EIF4G3: variants seen among roughly 807,000 people sequenced by gnomAD.
EIF4G3 encodes eIF-4-gamma 3.
EIF4G3 carries 34 observed loss-of-function variants against 186.4 expected under a neutral mutation model. That is an observed-to-expected ratio of 0.18 (90% CI 0.14 to 0.24). The LOEUF (loss-of-function observed/expected upper bound fraction) is 0.24. Ranked by LOEUF, EIF4G3 falls within the 10% of genes least tolerant of loss-of-function variation. EIF4G3 has a pLI of 1.00. For synonymous variants in EIF4G3, 673 were observed against 679.5 expected (o/e 0.99, Z 0.15); for missense variants, 1,536 against 1,948.5 (o/e 0.79, Z 3.99).
At chr1:21,115,914 G>T (rs2096812285) in intron 2 of EIF4G3, among the ~76,000 whole-genome samples, 1 of 151,930 alleles carries the variant, frequency 6.6e-6, no homozygotes. Flanking sequence ...GTAGAGACAG[G>T]AGTCTCATCT....
intron 10 of EIF4G3, among the ~76,000 whole-genome samples, chr1:20,976,239 A>G (rs898729544): frequency 1.3e-5 from 2 of 151,948 alleles, no homozygotes; most frequent in African/African-American, 2.4e-5. Flanking sequence ...GGTTAGTTAC[A>G]TATGTATACA....
chr1:20,993,140 A>G, intron 7 of EIF4G3, among the ~76,000 whole-genome samples: 1 of 152,202 alleles, frequency 6.6e-6, no homozygotes, highest in East Asian at 1.9e-4. Flanking sequence ...GAATCTCCAC[A>G]AAAGACAAAA....
At chr1:21,107,178 T>A (rs980695165) in intron 2 of EIF4G3, among the ~76,000 whole-genome samples, 2 of 152,066 alleles carry the variant, frequency 1.3e-5, no homozygotes, top group African/African-American at 4.8e-5. Flanking sequence ...AATTTTTGAT[T>A]TTATTATTTA....
intron 7 of EIF4G3, among the ~76,000 whole-genome samples, chr1:20,985,374 T>G (rs978775049): frequency 1.3e-5 from 2 of 152,198 alleles, no homozygotes; most frequent in Admixed American, 1.3e-4. Context: ...AGACTTACTT[T>G]TGCTCAACTT....
chr1:21,111,115 T>A (rs965819804), intron 2 of EIF4G3, among the ~76,000 whole-genome samples: 1 of 152,156 alleles, frequency 6.6e-6, no homozygotes, highest in South Asian at 2.1e-4. Flanking sequence ...AATGAGACAA[T>A]GAAAATTTAA....
At position 20,931,350 on chromosome 1, in the gene EIF4G3, G is replaced by C. The variant is rs746123355; in HGVS notation, c.1663+10141C>G. Among the ~76,000 whole-genome samples, 4 of 152,278 alleles carry C rather than the reference G, an allele frequency of 2.6e-5. No homozygotes were observed. The South Asian group carries it at 6.2e-4, about 24-fold the overall frequency. On this transcript the variant is annotated intron_variant, in intron 14 of 36. Transcript: ENST00000602326. ...CCAATGTGCAGTAGTATTTTGAAAG[G>C]AATCTTGCTATCTGGGCAGTAGGTC...
At chr1:20,938,557 G>T (rs1462506331) in intron 14 of EIF4G3, among the ~76,000 whole-genome samples, 4 of 152,122 alleles carry the variant, frequency 2.6e-5, no homozygotes, top group African/African-American at 9.7e-5. Context: ...GACTGTTTTG[G>T]TGTTACAATT....
intron 29 of EIF4G3, among the ~76,000 whole-genome samples, chr1:20,845,611 G>A (rs553979612): frequency 5.3e-5 from 8 of 151,916 alleles, no homozygotes; most frequent in South Asian, 2.1e-4. Context: ...GCAGTGAGCC[G>A]AGATCGCGCC....
intron 2 of EIF4G3, among the ~76,000 whole-genome samples, chr1:21,150,705 G>A (rs1030073282): frequency 2.6e-5 from 4 of 152,214 alleles, no homozygotes; most frequent in Non-Finnish European, 4.4e-5. Flanking sequence ...GGCCGGGTGC[G>A]GTGGCTCAGG....
In EIF4G3 at chr1:20,807,492, G is replaced by A. The variant is rs1324206554; in HGVS notation, c.4753C>T (p.Arg1585Trp). 3 of 1,583,324 alleles carry A rather than the reference G, an allele frequency of 1.9e-6. No homozygotes were observed. The highest frequency in any genetic ancestry group is 1.2e-5 in the South Asian group (1 of 86,938). ...VKLDQPANLL[R>W]MFFDCLYDEE... The stretch of plus-strand genomic sequence containing the variant: ...TCATATAGACAATCAAAAAACATCC[G>A]CAGCAAATCTGCAAGGAGGTGAAAA... The change falls in exon 37 of 37, where the codon CGG becomes TGG. Residue 1585 changes from arginine (R) to tryptophan (W), a missense_variant. Transcript: ENST00000602326.
intron 14 of EIF4G3, among the ~76,000 whole-genome samples, chr1:20,909,282 A>G (rs1430060864): frequency 6.6e-6 from 1 of 152,236 alleles, no homozygotes; most frequent in Non-Finnish European, 1.5e-5. Context: ...GTGTAGACAC[A>G]TGATCTAGAA....
chr1:20,988,710 A>AT (rs2080166522), intron 7 of EIF4G3, among the ~76,000 whole-genome samples: 1 of 152,092 alleles, frequency 6.6e-6, no homozygotes, highest in Non-Finnish European at 1.5e-5. Context: ...GTATACAGAG[A>AT]TTAATGTTGC....
At chr1:21,164,507 A>C (rs1167469943) in intron 2 of EIF4G3, among the ~76,000 whole-genome samples, 1 of 152,130 alleles carries the variant, frequency 6.6e-6, no homozygotes, top group Non-Finnish European at 1.5e-5. Context: ...CAGGAGAATC[A>C]CTTGAGCTCA....
chr1:20,992,352 AAT>A (rs34332069), intron 7 of EIF4G3, among the ~76,000 whole-genome samples: 143,549 of 152,150 alleles, frequency 0.94, 68,269 homozygotes, highest in Middle Eastern at 1. Flanking sequence ...CTCAACTAGG[AAT>A]ATATAACATC....
At chr1:20,902,341 C>T (rs2090616520) in intron 15 of EIF4G3, among the ~76,000 whole-genome samples, 1 of 152,122 alleles carries the variant, frequency 6.6e-6, no homozygotes, top group Admixed American at 6.5e-5. Flanking sequence ...TGATTACAGG[C>T]GTAAGCCACC....
At chr1:21,019,050 TCACTCTGTTGCC>T (rs1348363287) in intron 4 of EIF4G3, among the ~76,000 whole-genome samples, 1 of 152,150 alleles carries the variant, frequency 6.6e-6, no homozygotes, top group Non-Finnish European at 1.5e-5. Flanking sequence ...AGAACAGGTC[TCACTCTGTTGCC>T]CAGGGTGGAG....
chr1:20,998,759 T>C, intron 6 of EIF4G3: 1 of 351,126 alleles, frequency 2.8e-6, no homozygotes, highest in East Asian at 7.8e-5. Context: ...TACTAATACG[T>C]TAGCTATTGT....
Position 20,941,888 on chromosome 1 carries a change from T to A in EIF4G3, c.1266A>T (p.Leu422Phe), listed in dbSNP as rs1311217725. The A allele has an allele frequency of 6.2e-7, 1 of 1,614,216 alleles. No homozygotes were observed. The highest frequency in any genetic ancestry group is 1.7e-5 in the Admixed American group (1 of 60,024). Reference protein sequence around the residue: ...INEINGVSEKLSATESIVEIV... With the variant: ...INEINGVSEKFSATESIVEIV... ...TTTCCACAATGCTCTCCGTGGCTGA[T>A]AATTTTTCGCTAACTCCATTTATTT... is the stretch of plus-strand genomic sequence containing the variant. The change falls in exon 14 of 37, where the codon TTA becomes TTT. Residue 422 changes from leucine (L) to phenylalanine (F), a missense_variant. Around this residue, in one of 11 missense-constraint regions of EIF4G3, gnomAD observed 560 missense variants for 547.8 expected, o/e 1.02. Transcript: ENST00000602326.
At chr1:20,891,392 C>A (rs2085975540) in intron 18 of EIF4G3, among the ~76,000 whole-genome samples, 2 of 150,620 alleles carry the variant, frequency 1.3e-5, no homozygotes, top group South Asian at 4.2e-4. Context: ...AAATATTTGG[C>A]AAAACAAAGA....
Sources: gnomAD v4.1 joint callset for allele counts (sites outside exome capture counted in the v4.1 genomes callset) on GRCh38, gnomAD v4.1.1 for gene constraint, gnomAD v4.1.1 regional missense constraint, MANE v1.5 for transcripts, NCBI Gene and HGNC (gene_info 2026-07-23, HGNC 2026-07-21) for gene names.